The following BRINP2 variants were observed in gnomAD, a reference collection of about 807,000 sequenced individuals.
BRINP2 encodes the protein BMP/retinoic acid-inducible neural-specific protein 2.
Under a neutral mutation model 69.2 loss-of-function variants are expected in BRINP2, and 21 were observed. The ratio of observed to expected loss-of-function variants is 0.30; its 90% CI spans 0.22 to 0.44. The LOEUF (loss-of-function observed/expected upper bound fraction) is 0.44. Among genes scored for constraint, BRINP2 ranks in the 20% least tolerant of loss-of-function variants. The pLI is 1.00. For synonymous variants in BRINP2, 380 were observed against 394.1 expected (o/e 0.96, Z 0.42); for missense variants, 877 against 986.0 (o/e 0.89, Z 1.48).
chr1:177,201,664 C>T (rs1371320526), intron 1 of BRINP2, among the ~76,000 whole-genome samples: 1 of 152,184 alleles, frequency 6.6e-6, no homozygotes, highest in Non-Finnish European at 1.5e-5. Flanking sequence ...TGGATTGATA[C>T]ACCTTGATCT....
At chr1:177,223,780 C>T (rs1649612000) in intron 1 of BRINP2, among the ~76,000 whole-genome samples, 1 of 152,032 alleles carries the variant, frequency 6.6e-6, no homozygotes, top group Non-Finnish European at 1.5e-5. Context: ...TAAGTCATTC[C>T]TGACCAGCAG....
intron 1 of BRINP2, among the ~76,000 whole-genome samples, chr1:177,216,581 A>G (rs892789258): frequency 6.6e-6 from 1 of 152,090 alleles, no homozygotes; most frequent in African/African-American, 2.4e-5. Flanking sequence ...AACTTATACT[A>G]TTAGGTTTTG....
chr1:177,237,038 C>T (rs1187501205), intron 2 of BRINP2, among the ~76,000 whole-genome samples: 1 of 152,086 alleles, frequency 6.6e-6, no homozygotes, highest in Non-Finnish European at 1.5e-5. Flanking sequence ...CAACTTCTTA[C>T]ATTTCTGCTT....
chr1:177,277,445 A>G (rs991382635), intron 6 of BRINP2, among the ~76,000 whole-genome samples: 4 of 151,910 alleles, frequency 2.6e-5, no homozygotes, highest in African/African-American at 9.7e-5. Flanking sequence ...ATATGGCAAA[A>G]TGGCAAAAAC....
At chr1:177,275,778 G>A (rs1302031606) in intron 5 of BRINP2, among the ~76,000 whole-genome samples, 1 of 152,124 alleles carries the variant, frequency 6.6e-6, no homozygotes, top group Admixed American at 6.5e-5. Context: ...CTATAAACAG[G>A]ATGGCTACAG....
At chr1:177,211,402 G>A (rs1464121833) in intron 1 of BRINP2, among the ~76,000 whole-genome samples, 1 of 152,148 alleles carries the variant, frequency 6.6e-6, no homozygotes, top group Non-Finnish European at 1.5e-5. Context: ...GTAACAGCCT[G>A]TATGACAAAA....
chr1:177,243,718 TTA>T (rs1440253944), intron 2 of BRINP2, among the ~76,000 whole-genome samples: 1 of 152,148 alleles, frequency 6.6e-6, no homozygotes, highest in Non-Finnish European at 1.5e-5. Flanking sequence ...TAATGAAAGT[TTA>T]TGTTTTTGCT....
At chr1:177,278,880 G>C in intron 7 of BRINP2, 95 bp downstream of exon 7, 1 of 1,248,956 alleles carries the variant, frequency 8.0e-7, no homozygotes, top group Non-Finnish European at 1.1e-6. Context: ...AGGGGATCAG[G>C]GAGTGGTGAC....
At chr1:177,278,515 G>T in intron 6 of BRINP2, 48 bp from the exon 7 acceptor site, 1 of 1,585,922 alleles carries the variant, frequency 6.3e-7, no homozygotes, top group East Asian at 2.2e-5. Flanking sequence ...CCCTACCAGA[G>T]TTCTGCATAG....
rs942858006 is a variant in BRINP2, at chr1:177,171,115, C to CA, written c.-694_-693insA. Among the ~76,000 whole-genome samples, 4 of 152,202 alleles carry CA rather than the reference C, an allele frequency of 2.6e-5. No homozygotes were observed. The highest frequency in any genetic ancestry group is 9.6e-5 in the African/African-American group (4 of 41,454). On this transcript the variant is annotated 5_prime_UTR_variant, in exon 1 of 8. Transcript: ENST00000361539. ...TCGGAGGATCCCATTAGGACTTGCC[C>CA]GGGGATGTGCACCTGCCGTGCGCTC...
At chr1:177,221,071 C>G (rs1037560583) in intron 1 of BRINP2, among the ~76,000 whole-genome samples, 1 of 152,152 alleles carries the variant, frequency 6.6e-6, no homozygotes, top group African/African-American at 2.4e-5. Context: ...TCTAGGATAA[C>G]CTCATGTGAA....
In BRINP2 at chr1:177,229,952, G is replaced by T; in HGVS notation, c.76G>T (p.Gly26Cys). ...CCCATGGACAGCCCTGCTGGCACTG[G>T]GCCTGCCTGGCTGGGTGTTGGCTGT... is the stretch of plus-strand genomic sequence containing the variant. ...VAPWTALLAL[G>C]LPGWVLAVSA... The change falls in exon 2 of 8, where the codon GGC (glycine) becomes TGC (cysteine). Residue 26 changes from glycine to cysteine, a missense_variant. Gly to Cys is a radical substitution (Grantham distance 159). Coordinates refer to ENST00000361539, the MANE Select transcript of BRINP2 (RefSeq NM_021165.4). The T allele has an allele frequency of 1.2e-6, 2 of 1,613,460 alleles. No individual in the cohort carries two copies. The highest frequency in any genetic ancestry group is 4.5e-5 in the East Asian group (2 of 44,858).
At chr1:177,210,875 C>T (rs1304308251) in intron 1 of BRINP2, among the ~76,000 whole-genome samples, 1 of 150,862 alleles carries the variant, frequency 6.6e-6, no homozygotes, top group African/African-American at 2.4e-5. Context: ...TTTTCTTATA[C>T]TGATTACATG....
chr1:177,228,489 C>G (rs987364834), intron 1 of BRINP2, among the ~76,000 whole-genome samples: 2 of 152,172 alleles, frequency 1.3e-5, no homozygotes, highest in African/African-American at 4.8e-5. Context: ...GGGCATAAAT[C>G]AAGTACTGAA....
Position 177,175,586 on chromosome 1 carries a change from G to C in BRINP2, c.-77+3854G>C, listed in dbSNP as rs533087973. ...TCATGCTGCAAGTCACCGGTGGCTT[G>C]GGTGGCCCCATTCCAACATAGAGGA... On this transcript the variant is annotated intron_variant, in intron 1 of 7. Coordinates refer to ENST00000361539, the MANE Select transcript of BRINP2 (RefSeq NM_021165.4). 2.6e-5 allele frequency among the ~76,000 whole-genome samples: 4 copies of C among 152,300 alleles called. No homozygotes were observed. The East Asian group carries it at 7.7e-4, about 29-fold the overall frequency.
chr1:177,205,502 C>A (rs893446799), intron 1 of BRINP2, among the ~76,000 whole-genome samples: 3 of 152,212 alleles, frequency 2.0e-5, no homozygotes, highest in African/African-American at 7.2e-5. Flanking sequence ...AGATCAGCTT[C>A]ATTCCTGAGA....
At chr1:177,253,403 T>C (rs1255904572) in intron 2 of BRINP2, among the ~76,000 whole-genome samples, 1 of 152,122 alleles carries the variant, frequency 6.6e-6, no homozygotes, top group Non-Finnish European at 1.5e-5. Context: ...TCTTTTGCTA[T>C]TAAGTTATTT....
intron 1 of BRINP2, among the ~76,000 whole-genome samples, chr1:177,185,738 A>T (rs1648408013): frequency 6.6e-6 from 1 of 152,154 alleles, no homozygotes; most frequent in South Asian, 2.1e-4. Context: ...CCTAGAGATT[A>T]CAAAGGTAGG....
chr1:177,281,668 G>C lies in BRINP2; in HGVS notation c.*140G>C. On this transcript the variant is annotated 3_prime_UTR_variant, in exon 8 of 8. Coordinates refer to ENST00000361539, the MANE Select transcript of BRINP2 (RefSeq NM_021165.4). ...TCCAGTAGATGGGACCTCGAGGCTC[G>C]AGCTGAAGCAGGCGAGAGAGAAACA... The C allele has an allele frequency of 8.6e-7, 1 of 1,159,116 alleles. No homozygotes were observed. The highest frequency in any genetic ancestry group is 1.5e-5 in the African/African-American group (1 of 65,176). The allele number at this position is 1,159,116 out of a possible 1,614,324, so 71.8% of individuals were successfully genotyped here. A position where few individuals can be genotyped will look rare whatever the true frequency, so the allele number is the denominator to read the frequency against.
Sources: gnomAD v4.1 joint callset for allele counts (sites outside exome capture counted in the v4.1 genomes callset) on GRCh38, gnomAD v4.1.1 for gene constraint, MANE v1.5 for transcripts, NCBI Gene and HGNC (gene_info 2026-07-23, HGNC 2026-07-21) for gene names.